Variants in TSNARE1 observed in about 807,000 individuals in gnomAD.
The protein encoded by TSNARE1 is t-SNARE domain containing 1, also known as t-SNARE domain-containing protein 1.
TSNARE1 carries 49 observed loss-of-function variants against 62.0 expected under a neutral mutation model. That is an observed-to-expected ratio of 0.79 (90% CI 0.63 to 1.00). TSNARE1 has a LOEUF of 1.00. Among genes scored for constraint, TSNARE1 ranks in the 50% least tolerant of loss-of-function variants. The pLI is 0.00. For missense variants in TSNARE1, 755 were observed against 700.1 expected, an observed-to-expected ratio of 1.08 and a Z score of -0.88; for synonymous variants, 328 against 294.4, an observed-to-expected ratio of 1.11 and a Z score of -1.17.
In TSNARE1 at chr8:142,318,491, G is replaced by A. The variant is rs376158745; in HGVS notation, c.984+53C>T. The stretch of plus-strand genomic sequence containing the variant: ...TGTGACATCCCTGCTCCCATCACAG[G>A]CAGAGGGGTCCATTCCTCTCCTCCC... On this transcript the variant is annotated intron_variant, in intron 7 of 13. Transcript: ENST00000524325. The A allele has an allele frequency of 1.1e-4, 176 of 1,544,274 alleles. 1 individual carries two copies. In the African/African-American group the frequency reaches 2.2e-3, roughly 19 times the overall value.
At chr8:142,391,262 AAC>A (rs1297013519) in intron 1 of TSNARE1, among the ~76,000 whole-genome samples, 1 of 144,838 alleles carries the variant, frequency 6.9e-6, no homozygotes, top group African/African-American at 2.6e-5. Flanking sequence ...GGGACTCTAT[AAC>A]AGACGCTGTA....
intron 1 of TSNARE1, among the ~76,000 whole-genome samples, chr8:142,376,183 G>T (rs955513782): frequency 6.6e-6 from 1 of 152,146 alleles, no homozygotes; most frequent in African/African-American, 2.4e-5. Flanking sequence ...TTTGCACCCC[G>T]CAGGGCTACT....
At chr8:142,325,250 C>T (rs1217746313) in intron 6 of TSNARE1, among the ~76,000 whole-genome samples, 4 of 152,130 alleles carry the variant, frequency 2.6e-5, no homozygotes, top group Non-Finnish European at 5.9e-5. Flanking sequence ...GACAGGTCTA[C>T]AGTTGTCAGG....
intron 12 of TSNARE1, among the ~76,000 whole-genome samples, chr8:142,261,973 G>A (rs938449718): frequency 1.3e-5 from 2 of 152,188 alleles, no homozygotes; most frequent in African/African-American, 2.4e-5. Context: ...ATCCCACGGC[G>A]GGGCCAGCCT....
chr8:142,395,287 T>G (rs1837818394), intron 1 of TSNARE1, among the ~76,000 whole-genome samples: 1 of 152,008 alleles, frequency 6.6e-6, no homozygotes, highest in Non-Finnish European at 1.5e-5. Context: ...TCCCAAAATC[T>G]GCAGCCCTCT....
At chr8:142,371,494 A>C (rs942096733) in intron 1 of TSNARE1, among the ~76,000 whole-genome samples, 6 of 152,204 alleles carry the variant, frequency 3.9e-5, no homozygotes, top group Admixed American at 1.3e-4. Flanking sequence ...TAAAAGAGTA[A>C]ATTTTATTGT....
intron 12 of TSNARE1, among the ~76,000 whole-genome samples, chr8:142,234,539 G>A (rs756154379): frequency 2.0e-5 from 3 of 151,930 alleles, no homozygotes; most frequent in Non-Finnish European, 4.4e-5. Context: ...TCAAGATGGC[G>A]CCATGACCCC....
At chr8:142,368,168 A>AACAGACAAGC (rs1835683654) in intron 1 of TSNARE1, among the ~76,000 whole-genome samples, 1 of 152,200 alleles carries the variant, frequency 6.6e-6, no homozygotes, top group Non-Finnish European at 1.5e-5. Context: ...GCAGAAAGAC[A>AACAGACAAGC]ACAGACAAGC....
chr8:142,272,680 T>C (rs1362591044), intron 12 of TSNARE1: 45 of 958,458 alleles, frequency 4.7e-5, no homozygotes, highest in East Asian at 1.2e-4. Flanking sequence ...GGACATTCTA[T>C]GCAGAGGCGA....
chr8:142,361,480 C>T (rs1020963374), intron 1 of TSNARE1, among the ~76,000 whole-genome samples: 5 of 152,186 alleles, frequency 3.3e-5, no homozygotes, highest in South Asian at 4.1e-4. Flanking sequence ...CTCCCAGGAG[C>T]GAGGGCACAG....
chr8:142,340,308 G>C (rs1424985793), intron 4 of TSNARE1, among the ~76,000 whole-genome samples: 1 of 152,230 alleles, frequency 6.6e-6, no homozygotes, highest in African/African-American at 2.4e-5. Context: ...ACTTTATAGA[G>C]GAGGAAGCGG....
chr8:142,381,907 A>G (rs1456020731), intron 1 of TSNARE1, among the ~76,000 whole-genome samples: 1 of 152,164 alleles, frequency 6.6e-6, no homozygotes, highest in African/African-American at 2.4e-5. Context: ...ACACTGAGTC[A>G]CAGCCACGGC....
intron 2 of TSNARE1, among the ~76,000 whole-genome samples, chr8:142,354,214 G>A (rs934740529): frequency 3.3e-5 from 5 of 152,136 alleles, no homozygotes; most frequent in African/African-American, 9.7e-5. Flanking sequence ...CACCAGCTGC[G>A]CGGCCCTGGG....
At chr8:142,377,724 A>G (rs1019960884) in intron 1 of TSNARE1, among the ~76,000 whole-genome samples, 3 of 152,200 alleles carry the variant, frequency 2.0e-5, no homozygotes, top group African/African-American at 4.8e-5. Context: ...CAAAATGATC[A>G]TGCAGAGGGA....
At chr8:142,386,916 T>G (rs1418132121) in intron 1 of TSNARE1, among the ~76,000 whole-genome samples, 1 of 152,136 alleles carries the variant, frequency 6.6e-6, no homozygotes, top group African/African-American at 2.4e-5. Context: ...AGAAACTAAG[T>G]AAGGATTATA....
intron 12 of TSNARE1, among the ~76,000 whole-genome samples, chr8:142,235,365 C>T (rs1000147147): frequency 2.0e-5 from 3 of 152,028 alleles, no homozygotes; most frequent in African/African-American, 7.2e-5. Context: ...TCCTCGTCCC[C>T]ACCTGGTTTG....
chr8:142,391,656 G>A (rs536898395), intron 1 of TSNARE1, among the ~76,000 whole-genome samples: 5 of 152,356 alleles, frequency 3.3e-5, no homozygotes, highest in Admixed American at 2.6e-4. Flanking sequence ...AGTGGAAGCC[G>A]TGTGCAGTAC....
rs1011278553 is a variant in TSNARE1 at position 142,233,923 on chromosome 8, C to T, written c.1447-4344G>A. Among the ~76,000 whole-genome samples the T allele has an allele frequency of 3.3e-5, 5 of 152,310 alleles. No individual in the cohort carries two copies. The East Asian group carries it at 7.7e-4, about 24-fold the overall frequency. ...CTCCCAGCTTCCCCCTGCACAGAAT[C>T]GACCACTGCACCCTCCCAGCTCAAA... On this transcript the variant is annotated intron_variant, in intron 12 of 13. Transcript: ENST00000524325.
At chr8:142,367,032 T>C (rs1835596471) in intron 1 of TSNARE1, among the ~76,000 whole-genome samples, 1 of 150,248 alleles carries the variant, frequency 6.7e-6, no homozygotes, top group Admixed American at 6.6e-5. Flanking sequence ...CAACGAAAAA[T>C]ATAGTATACC....
Sources: gnomAD v4.1 joint callset for allele counts (sites outside exome capture counted in the v4.1 genomes callset) on GRCh38, gnomAD v4.1.1 for gene constraint, MANE v1.5 for transcripts, NCBI Gene and HGNC (gene_info 2026-07-23, HGNC 2026-07-21) for gene names.